CNTN2: variants seen among roughly 807,000 people sequenced by gnomAD.
CNTN2 encodes the protein contactin 2.
A neutral mutation model predicts 117.5 loss-of-function variants in CNTN2; 53 were observed. That is an observed-to-expected ratio of 0.45 (90% CI 0.36 to 0.57). The LOEUF (loss-of-function observed/expected upper bound fraction) is 0.57. Among genes scored for constraint, CNTN2 ranks in the 20% least tolerant of loss-of-function variants. The pLI is 0.00. For synonymous variants in CNTN2, 530 were observed against 561.7 expected, an observed-to-expected ratio of 0.94 and a Z score of 0.80; for missense variants, 1,106 against 1,404.3, an observed-to-expected ratio of 0.79 and a Z score of 3.39.
intron 16 of CNTN2, 161 bp from the exon 17 acceptor site, chr1:205,069,330 C>T (rs1236873474): frequency 5.1e-6 from 3 of 583,194 alleles, no homozygotes; most frequent in Non-Finnish European, 9.0e-6. Context: ...TTCAGGACTG[C>T]CTGACTCCAA....
At position 205,062,477 on chromosome 1, in the gene CNTN2, C is replaced by T. The variant is rs1431233490; in HGVS notation, c.1148C>T (p.Ser383Phe). 1.9e-6 allele frequency: 3 copies of T among 1,614,088 alleles called. No homozygotes were observed. Among genetic ancestry groups the T allele is most frequent in the East Asian group, 2.2e-5 (1 of 44,874 alleles). Reference sequence around the variant, plus strand: ...GTGTTGGCTGGGGACCTGCGGTTCTCCAAGCTGAGCCTGGAAGACTCGGGC... The same window carrying T: ...GTGTTGGCTGGGGACCTGCGGTTCTTCAAGCTGAGCCTGGAAGACTCGGGC... ...VEVLAGDLRFSKLSLEDSGMY... is the reference protein window; with the variant it reads ...VEVLAGDLRFFKLSLEDSGMY... The change falls in exon 10 of 23, where the codon TCC becomes TTC. Residue 383 changes from serine (S) to phenylalanine (F), a missense_variant. Ser to Phe is a radical substitution (Grantham distance 155). Coordinates refer to ENST00000331830, the MANE Select transcript of CNTN2 (RefSeq NM_005076.5).
rs561892323 is a variant in CNTN2, at chr1:205,064,748, G to A, written c.1517G>A (p.Arg506Gln). Residue 506 changes from arginine to glutamine, a missense_variant and splice_region_variant, in exon 12 of 23, where the codon CGA becomes CAA. Physicochemically the swap from Arg to Gln is conservative, Grantham distance 43. Coordinates refer to ENST00000331830, the MANE Select transcript of CNTN2 (RefSeq NM_005076.5). ...KANSTGILSV[R>Q]DATKITLAPS... Reference sequence around the variant, plus strand: ...AACAGCACTGGAATCCTATCTGTGCGAGGTGAGGGCTGCCATGTGGGTAGG... The same window carrying A: ...AACAGCACTGGAATCCTATCTGTGCAAGGTGAGGGCTGCCATGTGGGTAGG... The A allele has an allele frequency of 1.5e-5, 25 of 1,613,932 alleles. No individual in the cohort carries two copies. In the South Asian group the frequency reaches 1.9e-4, roughly 12 times the overall value.
At chr1:205,045,059 CAA>C (rs1447889564) in intron 1 of CNTN2, among the ~76,000 whole-genome samples, 1 of 152,150 alleles carries the variant, frequency 6.6e-6, no homozygotes, top group Non-Finnish European at 1.5e-5. Context: ...CTGATGATGT[CAA>C]AGTCACCCAA....
chr1:205,053,212 A>T lies in CNTN2; in HGVS notation c.27A>T (p.Pro9=). The change falls in exon 2 of 23, where the codon CCA becomes CCT. Residue 9 remains proline, a synonymous_variant. Coordinates refer to ENST00000331830, the MANE Select transcript of CNTN2 (RefSeq NM_005076.5). MGTATRRK[P]HLLLVAAVAL... is the part of the protein sequence containing the mutation. ...TGGGGACAGCCACCAGGAGGAAGCC[A>T]CACCTGCTGCTGGTAGCTGCTGTGG... 6.2e-7 allele frequency: 1 copy of T among 1,613,074 alleles called. No individual in the cohort carries two copies. The highest frequency in any genetic ancestry group is 8.5e-7 in the Non-Finnish European group (1 of 1,179,538).
intron 1 of CNTN2, 104 bp from the exon 2 acceptor site, chr1:205,052,996 G>T: frequency 4.5e-6 from 2 of 446,858 alleles, no homozygotes; most frequent in Non-Finnish European, 8.0e-6. Context: ...GGGCAATTCC[G>T]GCAGCTCCCC....
intron 18 of CNTN2, 165 bp downstream of exon 18, chr1:205,070,226 G>A: frequency 1.3e-6 from 1 of 772,218 alleles, no homozygotes; most frequent in Non-Finnish European, 2.1e-6. Flanking sequence ...TTGCTACCTT[G>A]TCTCCCTTCG....
intron 2 of CNTN2, among the ~76,000 whole-genome samples, chr1:205,055,369 C>T (rs1173571981): frequency 6.6e-6 from 1 of 152,082 alleles, no homozygotes; most frequent in African/African-American, 2.4e-5. Flanking sequence ...GTGTATGTAG[C>T]TGAAGAGGCA....
At position 205,059,342 on chromosome 1, in the gene CNTN2, C is replaced by A. The variant is rs374536478; in HGVS notation, c.697+49C>A. ...GGAGGGAGGGAACTGGAAGGGTCAG[C>A]GGGCATTAGGAAAAGGGTTTTTCCT... On this transcript the variant is annotated intron_variant, in intron 6 of 22. Transcript: ENST00000331830. The surrounding 1 kb of genome is among the most constrained non-coding windows in gnomAD (Gnocchi z 5.6). 13 of 1,546,854 alleles carry A rather than the reference C, an allele frequency of 8.4e-6. No homozygotes were observed. The highest frequency in any genetic ancestry group is 1.4e-5 in the African/African-American group (1 of 73,418).
At position 205,048,350 on chromosome 1, in the gene CNTN2, A is replaced by T. The variant is rs548087754; in HGVS notation, c.-86-4750A>T. 1.3e-4 allele frequency among the ~76,000 whole-genome samples: 20 copies of T among 152,240 alleles called. No homozygotes were observed. The highest frequency in any genetic ancestry group is 4.1e-4 in the African/African-American group (17 of 41,538). ...TGTCGTGTGTTGGAGCCCCACTCAT[A>T]GCCTTCTGTCCCCCAGCTGTCCCCC... On this transcript the variant is annotated intron_variant, in intron 1 of 22. Coordinates refer to ENST00000331830, the MANE Select transcript of CNTN2 (RefSeq NM_005076.5). The surrounding 1 kb of genome is among the most constrained non-coding windows in gnomAD (Gnocchi z 4.1).
At position 205,074,186 on chromosome 1, in the gene CNTN2, C is replaced by A. The variant is rs570061428; in HGVS notation, c.*421C>A. ...CACCAGACATGAACAGGTTGAAGAA[C>A]TGGAGCGAAGTGCACACCTCACCAT... On this transcript the variant is annotated 3_prime_UTR_variant, in exon 23 of 23. Transcript: ENST00000331830. 1.3e-4 allele frequency: 59 copies of A among 449,336 alleles called. No individual in the cohort carries two copies. Among genetic ancestry groups the A allele is most frequent in the African/African-American group, 5.8e-4 (30 of 51,524 alleles). The allele number at this position is 449,336 out of a possible 1,614,324, so 27.8% of individuals were successfully genotyped here.
At chr1:205,055,203 G>A (rs903616452) in intron 2 of CNTN2, among the ~76,000 whole-genome samples, 1 of 152,072 alleles carries the variant, frequency 6.6e-6, no homozygotes, top group African/African-American at 2.4e-5. Context: ...TGGTAGAGAC[G>A]GGGTTTCACC....
In CNTN2 at chr1:205,058,708, G is replaced by C; in HGVS notation, c.487+45G>C. ...CAGGGTTAGAGAGGGCACAGGAAGG[G>C]CTTCCAGATGCTTGGCAGAGGAAGG... On this transcript the variant is annotated intron_variant, in intron 5 of 22. Coordinates refer to ENST00000331830, the MANE Select transcript of CNTN2 (RefSeq NM_005076.5). The surrounding 1 kb of genome is among the most constrained non-coding windows in gnomAD (Gnocchi z 4.3). The C allele has an allele frequency of 6.9e-7, 1 of 1,440,484 alleles. No homozygotes were observed. The highest frequency in any genetic ancestry group is 9.6e-7 in the Non-Finnish European group (1 of 1,037,816). 89.2% of individuals were successfully genotyped at this position (1,440,484 alleles called of 1,614,324 possible).
chr1:205,044,104 T>G (rs1474043967), intron 1 of CNTN2, among the ~76,000 whole-genome samples: 1 of 151,980 alleles, frequency 6.6e-6, no homozygotes, highest in African/African-American at 2.4e-5. Flanking sequence ...CCCCCCATCC[T>G]CACTGGTGGG....
Position 205,061,746 on chromosome 1 carries a change from A to C in CNTN2, c.974-119A>C. On this transcript the variant is annotated intron_variant, in intron 8 of 22. Coordinates refer to ENST00000331830, the MANE Select transcript of CNTN2 (RefSeq NM_005076.5). This position sits in a 1 kb window ranked among gnomAD's most constrained non-coding sequence, Gnocchi z 4.8. ...TCCTCTTTGTCCTCTCCATCTCAGA[A>C]TGCTCATGGCGCCCTCTGCTGTCTG... 1.5e-6 allele frequency: 2 copies of C among 1,292,888 alleles called. No individual in the cohort carries two copies. The highest frequency in any genetic ancestry group is 1.6e-5 in the South Asian group (1 of 63,614). 80.1% of individuals were successfully genotyped at this position (1,292,888 alleles called of 1,614,324 possible).
rs866683330 is a variant in CNTN2 at position 205,073,950 on chromosome 1, C to T, written c.*185C>T. ...ATATTCTGCCGCAGGATAGAACCCA[C>T]GCAAGGATTTTCTTTAAATTGAGAG... On this transcript the variant is annotated 3_prime_UTR_variant, in exon 23 of 23. Coordinates refer to ENST00000331830, the MANE Select transcript of CNTN2 (RefSeq NM_005076.5). This position sits in a 1 kb window ranked among gnomAD's most constrained non-coding sequence, Gnocchi z 6.3. 2.2e-4 allele frequency: 131 copies of T among 605,494 alleles called. No individual in the cohort carries two copies. The highest frequency in any genetic ancestry group is 8.8e-4 in the Middle Eastern group (2 of 2,278). The allele number at this position is 605,494 out of a possible 1,614,324, so 37.5% of individuals were successfully genotyped here.
In CNTN2 at chr1:205,058,224, C is replaced by A. The variant is rs529060976; in HGVS notation, c.259C>A (p.Arg87Ser). The A allele has an allele frequency of 3.2e-6, 5 of 1,572,620 alleles. No individual in the cohort carries two copies. The highest frequency in any genetic ancestry group is 4.3e-6 in the Non-Finnish European group (5 of 1,159,646). ...GTEMKLEPGS[R>S]HQLVGGNLVI... The stretch of plus-strand genomic sequence containing the variant: ...CGAGATGAAGCTGGAGCCAGGTTCC[C>A]GTCACCAGCTGGTGGGGGGCAACCT... The change falls in exon 4 of 23, where the codon CGT (arginine) becomes AGT (serine). Residue 87 changes from arginine (R) to serine (S), a missense_variant. Transcript: ENST00000331830. The surrounding 1 kb of genome is among the most constrained non-coding windows in gnomAD (Gnocchi z 4.3).
Position 205,072,151 on chromosome 1 carries a change from G to T in CNTN2, c.2731+18G>T. The T allele has an allele frequency of 6.3e-7, 1 of 1,595,446 alleles. No homozygotes were observed. Among genetic ancestry groups the T allele is most frequent in the Non-Finnish European group, 8.5e-7 (1 of 1,173,390 alleles). On this transcript the variant is annotated intron_variant, in intron 20 of 22. Transcript: ENST00000331830. The stretch of plus-strand genomic sequence containing the variant: ...GAAGCCCCGTGAGTCTGTCTGCCTG[G>T]GGTGGGGGTAGGGCAATATTTTGGA...
intron 2 of CNTN2, chr1:205,057,465 C>G (rs1337869301): frequency 6.5e-6 from 1 of 152,986 alleles, no homozygotes; most frequent in East Asian, 1.9e-4. Flanking sequence ...TTCTGAGGCC[C>G]CAGCATCTTG....
intron 1 of CNTN2, among the ~76,000 whole-genome samples, chr1:205,049,808 CTTTG>C (rs1178914163): frequency 6.6e-6 from 1 of 152,182 alleles, no homozygotes; most frequent in Non-Finnish European, 1.5e-5. Flanking sequence ...CCATGGAGCC[CTTTG>C]TTTAAAGGGA....
Sources: gnomAD v4.1 joint callset for allele counts (sites outside exome capture counted in the v4.1 genomes callset) on GRCh38, gnomAD v4.1.1 for gene constraint, Gnocchi (gnomAD v3.1) non-coding constraint, MANE v1.5 for transcripts, NCBI Gene and HGNC (gene_info 2026-07-23, HGNC 2026-07-21) for gene names.